The following C1QTNF3 variants were observed in gnomAD, a reference collection of about 807,000 sequenced individuals.
C1QTNF3 encodes C1q and TNF related 3.
In C1QTNF3, 26 loss-of-function variants were observed where a neutral mutation model predicts 32.6. That is an observed-to-expected ratio of 0.80 (90% CI 0.58 to 1.11). The LOEUF (loss-of-function observed/expected upper bound fraction) is 1.11. Ranked by LOEUF, C1QTNF3 falls within the 50% of genes least tolerant of loss-of-function variation. The pLI, the probability that C1QTNF3 is intolerant of heterozygous loss-of-function variation, is 0.00. For synonymous variants in C1QTNF3, 155 were observed against 146.0 expected (o/e 1.06, Z -0.44); for missense variants, 362 against 398.2 (o/e 0.91, Z 0.77).
the C1QTNF3 span, among the ~76,000 whole-genome samples, chr5:34,174,723 G>A: frequency 1.3e-5 from 2 of 152,164 alleles, no homozygotes; most frequent in African/African-American, 4.8e-5. Flanking sequence ...CTACGTGAGA[G>A]CACAGATCTT....
the C1QTNF3 span, among the ~76,000 whole-genome samples, chr5:34,147,304 T>C: frequency 5.3e-5 from 8 of 152,340 alleles, no homozygotes; most frequent in East Asian, 1.3e-3. Flanking sequence ...AATCCTATCA[T>C]TGCATATATG....
chr5:34,143,191 A>T, the C1QTNF3 span, among the ~76,000 whole-genome samples: 3 of 152,216 alleles, frequency 2.0e-5, no homozygotes, highest in Admixed American at 2.0e-4. Flanking sequence ...AGAGCTCAGT[A>T]ACTGGTCCTT....
chr5:34,123,871 G>T, the C1QTNF3 span, among the ~76,000 whole-genome samples: 1 of 152,118 alleles, frequency 6.6e-6, no homozygotes, highest in Admixed American at 6.5e-5. Context: ...GCGAGTGTAT[G>T]TGTTTAATTT....
the C1QTNF3 span, among the ~76,000 whole-genome samples, chr5:34,216,910 G>A: frequency 6.6e-6 from 1 of 152,006 alleles, no homozygotes. Context: ...CAAAAACATT[G>A]GGGATAAGAA....
chr5:34,163,211 A>G, the C1QTNF3 span, among the ~76,000 whole-genome samples: 17 of 152,182 alleles, frequency 1.1e-4, no homozygotes, highest in Non-Finnish European at 2.5e-4. Context: ...GGGAAATAAT[A>G]TAGCTAAAAA....
the C1QTNF3 span, among the ~76,000 whole-genome samples, chr5:34,082,893 A>G: frequency 2.0e-5 from 3 of 151,784 alleles, no homozygotes; most frequent in East Asian, 5.8e-4. Flanking sequence ...CATATGTTTC[A>G]TAGTGTGCAA....
chr5:34,084,377 TCTCA>T, the C1QTNF3 span, among the ~76,000 whole-genome samples: 1 of 151,784 alleles, frequency 6.6e-6, no homozygotes, highest in Non-Finnish European at 1.5e-5. Context: ...TTTAGAAATA[TCTCA>T]CTGTTTTGAG....
At chr5:34,126,815 T>C in the C1QTNF3 span, among the ~76,000 whole-genome samples, 1 of 152,134 alleles carries the variant, frequency 6.6e-6, no homozygotes, top group East Asian at 1.9e-4. Flanking sequence ...GGAAGACCAA[T>C]ATGCTTTGGC....
At chr5:34,098,447 TAGAC>T in the C1QTNF3 span, among the ~76,000 whole-genome samples, 2 of 152,294 alleles carry the variant, frequency 1.3e-5, no homozygotes, top group African/African-American at 2.4e-5. Flanking sequence ...TAAGGAATGA[TAGAC>T]AGAACTAAAG....
chr5:34,065,667 C>A, the C1QTNF3 span, among the ~76,000 whole-genome samples: 3 of 149,284 alleles, frequency 2.0e-5, no homozygotes, highest in Non-Finnish European at 3.0e-5. Context: ...AACTCCATCT[C>A]AAAAAAAAAA....
the C1QTNF3 span, among the ~76,000 whole-genome samples, chr5:34,197,938 A>G: frequency 6.6e-6 from 1 of 151,746 alleles, no homozygotes; most frequent in Middle Eastern, 3.4e-3. Context: ...TCTCTTTTAT[A>G]AGGGCACTAA....
upstream of C1QTNF3, chr5:34,043,241 T>TA: frequency 9.0e-7 from 1 of 1,113,780 alleles, no homozygotes; most frequent in Non-Finnish European, 1.3e-6. Flanking sequence ...AGTGGTTTTA[T>TA]ACTTTGGTGT....
rs1288825637 is a variant in C1QTNF3 at position 34,019,580 on chromosome 5, T to C, written c.*1003A>G. On this transcript the variant is annotated 3_prime_UTR_variant, in exon 6 of 6. Coordinates refer to ENST00000382065, the MANE Select transcript of C1QTNF3 (RefSeq NM_181435.6). ...CATATGACCCTGCTGTGTGCCCAAG[T>C]CACCTATTCACATGGCTGTTCACAT... The C allele has an allele frequency of 6.6e-6, 1 of 152,234 alleles. No individual in the cohort carries two copies. The highest frequency in any genetic ancestry group is 1.5e-5 in the Non-Finnish European group (1 of 68,044). The allele number at this position is 152,234 out of a possible 1,614,324, so 9.4% of individuals were successfully genotyped here. A position where few individuals can be genotyped will look rare whatever the true frequency, so the allele number is the denominator to read the frequency against.
chr5:34,178,307 C>A, the C1QTNF3 span, among the ~76,000 whole-genome samples: 12,575 of 152,016 alleles, frequency 0.083, 1,300 homozygotes, highest in African/African-American at 0.24. Flanking sequence ...GAGCTGGTTA[C>A]CTTTTCAAAG....
At chr5:34,236,984 T>C in the C1QTNF3 span, among the ~76,000 whole-genome samples, 5 of 152,244 alleles carry the variant, frequency 3.3e-5, no homozygotes, top group African/African-American at 1.2e-4. Context: ...GCAACATAGA[T>C]TGTTTGTTAT....
the C1QTNF3 span, among the ~76,000 whole-genome samples, chr5:34,225,253 A>T: frequency 1.3e-5 from 2 of 151,996 alleles, no homozygotes; most frequent in Admixed American, 1.3e-4. Context: ...CAACATGAAA[A>T]GATTGCTAGT....
At chr5:34,028,968 T>G in intron 3 of C1QTNF3, 85 bp from the exon 4 acceptor site, 1 of 1,136,720 alleles carries the variant, frequency 8.8e-7, no homozygotes, top group Non-Finnish European at 1.3e-6. Flanking sequence ...TTAAACATTA[T>G]ACATAACAGC....
the C1QTNF3 span, among the ~76,000 whole-genome samples, chr5:34,050,295 A>C: frequency 6.6e-6 from 1 of 152,050 alleles, no homozygotes; most frequent in Non-Finnish European, 1.5e-5. Context: ...CCTCTCTCCT[A>C]GTCATTGTCT....
chr5:34,032,593 T>C (rs1344307313), intron 3 of C1QTNF3, among the ~76,000 whole-genome samples: 2 of 152,160 alleles, frequency 1.3e-5, no homozygotes, highest in Non-Finnish European at 2.9e-5. Context: ...GGCCAGGAAT[T>C]TGAGACCAGC....
Sources: gnomAD v4.1 joint callset for allele counts (sites outside exome capture counted in the v4.1 genomes callset) on GRCh38, gnomAD v4.1.1 for gene constraint, MANE v1.5 for transcripts, NCBI Gene and HGNC (gene_info 2026-07-23, HGNC 2026-07-21) for gene names.